The following RBFOX1 variants were observed in gnomAD, a reference collection of about 807,000 sequenced individuals.
RBFOX1 encodes RNA binding fox-1 homolog 1, also known as RNA binding protein fox-1 homolog 1.
A neutral mutation model predicts 57.7 loss-of-function variants in RBFOX1; 8 were observed. The ratio of observed to expected loss-of-function variants is 0.14; its 90% confidence interval spans 0.08 to 0.25. RBFOX1 has a LOEUF of 0.25. RBFOX1 is among the 10% of genes least tolerant of loss of function. The pLI is 1.00. For missense variants in RBFOX1, 611 were observed against 548.5 expected, an observed-to-expected ratio of 1.11 and a Z score of -1.14; for synonymous variants, 326 against 222.4, an observed-to-expected ratio of 1.47 and a Z score of -4.15.
At chr16:7,579,064 C>G (rs1430360448) in intron 5 of RBFOX1, among the ~76,000 whole-genome samples, 1 of 152,184 alleles carries the variant, frequency 6.6e-6, no homozygotes. Context: ...GAAGCAATAA[C>G]TACATGTGGT....
At chr16:5,582,019 G>A (rs1043118317) in intron 2 of RBFOX1, among the ~76,000 whole-genome samples, 2 of 152,210 alleles carry the variant, frequency 1.3e-5, no homozygotes, top group South Asian at 2.1e-4. Context: ...TCGAACAGAA[G>A]GTGGCTTCTA....
chr16:7,607,980 C>T (rs1253337155), intron 10 of RBFOX1, among the ~76,000 whole-genome samples: 1 of 152,166 alleles, frequency 6.6e-6, no homozygotes, highest in Non-Finnish European at 1.5e-5. Context: ...GAGCATAACC[C>T]AGAAGCAGTA....
At chr16:6,839,139 C>G (rs550038836) in intron 3 of RBFOX1, among the ~76,000 whole-genome samples, 3 of 145,540 alleles carry the variant, frequency 2.1e-5, no homozygotes, top group Admixed American at 6.8e-5. Context: ...CACACACCAC[C>G]ACACCCAGCT....
At chr16:7,062,755 G>A (rs1371050372) in intron 4 of RBFOX1, among the ~76,000 whole-genome samples, 1 of 152,086 alleles carries the variant, frequency 6.6e-6, no homozygotes, top group East Asian at 1.9e-4. Flanking sequence ...TTTCGGTAGT[G>A]ATATTCTGGT....
chr16:7,564,490 G>A (rs904248658), intron 5 of RBFOX1, among the ~76,000 whole-genome samples: 3 of 133,000 alleles, frequency 2.3e-5, no homozygotes, highest in East Asian at 2.6e-4. Context: ...GCACTCAGCC[G>A]AGATTGCACC....
At chr16:5,897,016 CTTTTTTTTTTTTTTTTTTT>C (rs575235024) in intron 4 of RBFOX1, among the ~76,000 whole-genome samples, 1 of 56,460 alleles carries the variant, frequency 1.8e-5, no homozygotes. Context: ...TATCCATCCG[CTTTTTTTTTTTTTTTTTTT>C]TTTTTTTTTT....
intron 2 of RBFOX1, among the ~76,000 whole-genome samples, chr16:6,402,306 T>C (rs2093105491): frequency 2.0e-5 from 3 of 152,258 alleles, no homozygotes; most frequent in African/African-American, 4.8e-5. Flanking sequence ...GAGGCGACCA[T>C]AGTAGAGAAC....
At chr16:7,356,542 A>T (rs2097217507) in intron 4 of RBFOX1, among the ~76,000 whole-genome samples, 1 of 152,110 alleles carries the variant, frequency 6.6e-6, no homozygotes, top group Non-Finnish European at 1.5e-5. Context: ...TGGGGGGCCG[A>T]TTGAGGCAGG....
intron 4 of RBFOX1, among the ~76,000 whole-genome samples, chr16:7,063,489 C>T (rs535820325): frequency 3.8e-4 from 58 of 152,088 alleles, no homozygotes; most frequent in Non-Finnish European, 7.6e-4. Flanking sequence ...TCAGCTCTAC[C>T]CCAGACCTAC....
rs564252379 is a variant in RBFOX1 at position 6,523,135 on chromosome 16, C to G, written c.-63-131468C>G. On this transcript the variant is annotated intron_variant, in intron 2 of 15. Coordinates refer to ENST00000550418, the MANE Select transcript of RBFOX1 (RefSeq NM_018723.4). ...TTGTTCAATTGCCTTTTTCTGCCAA[C>G]TGGAACGTAGGTAGCATGGGGTGAC... Among the ~76,000 whole-genome samples the G allele has an allele frequency of 5.3e-5, 8 of 152,262 alleles. No homozygotes were observed. The South Asian group carries it at 1.2e-3, about 24-fold the overall frequency.
At chr16:6,868,902 A>T (rs1431071092) in intron 3 of RBFOX1, among the ~76,000 whole-genome samples, 1 of 152,208 alleles carries the variant, frequency 6.6e-6, no homozygotes, top group Non-Finnish European at 1.5e-5. Context: ...GGATGCTTGA[A>T]GTGACATTTT....
intron 3 of RBFOX1, among the ~76,000 whole-genome samples, chr16:6,859,108 A>G (rs1285175382): frequency 8.0e-5 from 4 of 50,224 alleles, no homozygotes; most frequent in Non-Finnish European, 1.3e-4. Context: ...TCCTAAAAAA[A>G]GTGTATATAT....
At chr16:7,408,092 G>A (rs180857870) in intron 4 of RBFOX1, among the ~76,000 whole-genome samples, 1 of 152,198 alleles carries the variant, frequency 6.6e-6, no homozygotes, top group Non-Finnish European at 1.5e-5. Context: ...AGGACAGAAA[G>A]GTTGATTAAC....
chr16:6,500,876 GTTTTTTTTT>G (rs1190261525), intron 2 of RBFOX1, among the ~76,000 whole-genome samples: 1 of 30,134 alleles, frequency 3.3e-5, no homozygotes, highest in Non-Finnish European at 1.2e-4. Flanking sequence ...TTGGGGAGTA[GTTTTTTTTT>G]TTTTTTTTTT....
At chr16:6,581,152 T>C (rs1309259619) in intron 2 of RBFOX1, among the ~76,000 whole-genome samples, 1 of 152,042 alleles carries the variant, frequency 6.6e-6, no homozygotes, top group Non-Finnish European at 1.5e-5. Context: ...ACAACCAGAG[T>C]CTAATGAGTT....
chr16:6,688,380 C>T (rs762793302), intron 3 of RBFOX1, among the ~76,000 whole-genome samples: 2 of 152,160 alleles, frequency 1.3e-5, no homozygotes, highest in Non-Finnish European at 2.9e-5. Context: ...CCACCTTCAA[C>T]AGTGAGGATT....
chr16:7,626,054 G>T (rs1024475680), intron 10 of RBFOX1, among the ~76,000 whole-genome samples: 2 of 152,222 alleles, frequency 1.3e-5, no homozygotes, highest in Non-Finnish European at 2.9e-5. Context: ...CATAGATAGG[G>T]TTTCTAGGAG....
chr16:6,119,863 G>A (rs560178627), intron 1 of RBFOX1, among the ~76,000 whole-genome samples: 7 of 152,244 alleles, frequency 4.6e-5, no homozygotes, highest in South Asian at 2.1e-4. Context: ...TTATGCAACC[G>A]CTACCTCTAT....
chr16:6,799,800 C>A (rs942610481), intron 3 of RBFOX1, among the ~76,000 whole-genome samples: 2 of 151,946 alleles, frequency 1.3e-5, no homozygotes, highest in African/African-American at 2.4e-5. Flanking sequence ...CAGTGGTTTG[C>A]TAGAGGCTCT....
Sources: allele counts gnomAD v4.1 joint callset (sites outside exome capture counted in the v4.1 genomes callset), GRCh38; gene constraint gnomAD v4.1.1; transcripts MANE v1.5; gene names NCBI Gene and HGNC (gene_info 2026-07-23, HGNC 2026-07-21).